Variants in PTPRK observed in about 807,000 individuals in gnomAD.
PTPRK encodes protein tyrosine phosphatase receptor type K, also known as receptor-type tyrosine-protein phosphatase kappa.
Under a neutral mutation model 178.0 loss-of-function variants are expected in PTPRK, and 75 were observed. The ratio of observed to expected loss-of-function variants is 0.42; its 90% CI spans 0.35 to 0.51. The LOEUF is 0.51. Ranked by LOEUF, PTPRK falls within the 20% of genes least tolerant of loss-of-function variation. The probability of loss-of-function intolerance (pLI) is 0.02; values close to 1 mark genes in which losing one functional copy is unlikely to be tolerated. For synonymous variants in PTPRK, 637 were observed against 620.6 expected (o/e 1.03, Z -0.39); for missense variants, 1,441 against 1,797.8 (o/e 0.80, Z 3.59).
intron 1 of PTPRK, among the ~76,000 whole-genome samples, chr6:128,468,300 T>G (rs964423510): frequency 1.3e-5 from 2 of 152,192 alleles, no homozygotes; most frequent in Non-Finnish European, 2.9e-5. Flanking sequence ...TTACTAAACA[T>G]GTATGCATAT....
Position 128,447,766 on chromosome 6 carries a change from C to T in PTPRK, c.101-50078G>A, listed in dbSNP as rs532203590. 5.3e-5 allele frequency among the ~76,000 whole-genome samples: 8 copies of T among 151,818 alleles called. No individual in the cohort carries two copies. In the South Asian group the frequency reaches 8.3e-4, roughly 16 times the overall value. Reference sequence around the variant, plus strand: ...CGCCTCCTGAGTAGCTGGGACTACACGCGTGTGCCACCAAGCCCAGCTAAT... The same window carrying T: ...CGCCTCCTGAGTAGCTGGGACTACATGCGTGTGCCACCAAGCCCAGCTAAT... On this transcript the variant is annotated intron_variant, in intron 1 of 29. Transcript: ENST00000368226.
intron 1 of PTPRK, among the ~76,000 whole-genome samples, chr6:128,494,167 T>A (rs1291995457): frequency 7.6e-6 from 1 of 132,296 alleles, no homozygotes; most frequent in South Asian, 2.4e-4. Context: ...GCCACCGCAC[T>A]CCAGCCTGGG....
chr6:128,064,072 T>C (rs963981649), intron 13 of PTPRK, among the ~76,000 whole-genome samples: 4 of 152,206 alleles, frequency 2.6e-5, no homozygotes, highest in African/African-American at 4.8e-5. Flanking sequence ...TATTCTTTGT[T>C]GGCACAATCA....
chr6:128,418,060 CTG>C (rs1246734178), intron 1 of PTPRK, among the ~76,000 whole-genome samples: 1 of 152,176 alleles, frequency 6.6e-6, no homozygotes, highest in Non-Finnish European at 1.5e-5. Flanking sequence ...CTATTAGACA[CTG>C]TATCTCGTCA....
chr6:128,495,525 CCTCTCT>C (rs994781604), intron 1 of PTPRK, among the ~76,000 whole-genome samples: 2 of 151,962 alleles, frequency 1.3e-5, no homozygotes, highest in Admixed American at 6.6e-5. Flanking sequence ...CTCATCCTTC[CCTCTCT>C]CTAAGTCCCC....
chr6:128,156,676 C>T (rs755791138), intron 7 of PTPRK, among the ~76,000 whole-genome samples: 18 of 151,838 alleles, frequency 1.2e-4, no homozygotes, highest in Non-Finnish European at 2.6e-4. Flanking sequence ...AGAGCCAAAC[C>T]ATATCATACT....
rs9885871 is a variant in PTPRK, at chr6:128,077,653, C to T, written c.1883+1160G>A. Among the ~76,000 whole-genome samples the T allele has an allele frequency of 9.3e-3, 1,415 of 152,030 alleles. 18 individuals carry two copies. Among genetic ancestry groups the T allele is most frequent in the African/African-American group, 0.032 (1,329 of 41,484 alleles). ...ATATAAACCAATTATGAAGTGCCTA[C>T]GTGGATTTCTGTGCCTTCATTTATT... On this transcript the variant is annotated intron_variant, in intron 11 of 29. Transcript: ENST00000368226.
chr6:128,465,909 C>T (rs979346467), intron 1 of PTPRK, among the ~76,000 whole-genome samples: 8 of 152,120 alleles, frequency 5.3e-5, no homozygotes, highest in Admixed American at 1.3e-4. Flanking sequence ...AGGGTCCAAG[C>T]CTCAAGCTCT....
At chr6:128,080,615 G>A (rs1402588955) in intron 10 of PTPRK, among the ~76,000 whole-genome samples, 1 of 152,040 alleles carries the variant, frequency 6.6e-6, no homozygotes, top group African/African-American at 2.4e-5. Flanking sequence ...GTGTGTATAT[G>A]TGTGTATGTG....
At chr6:128,494,523 C>T (rs757351829) in intron 1 of PTPRK, among the ~76,000 whole-genome samples, 4 of 151,872 alleles carry the variant, frequency 2.6e-5, no homozygotes, top group East Asian at 1.9e-4. Context: ...GAGTACTCAG[C>T]GGGAGCACTG....
intron 1 of PTPRK, among the ~76,000 whole-genome samples, chr6:128,435,703 A>G (rs1845503397): frequency 6.6e-6 from 1 of 152,202 alleles, no homozygotes; most frequent in African/African-American, 2.4e-5. Flanking sequence ...TAAGGGACGA[A>G]TCACAAAGAG....
chr6:128,230,539 T>C (rs1812124231), intron 5 of PTPRK, among the ~76,000 whole-genome samples: 1 of 152,158 alleles, frequency 6.6e-6, no homozygotes, highest in African/African-American at 2.4e-5. Context: ...CGATATTGAG[T>C]CACAATAGTT....
chr6:128,158,272 A>T (rs928974397), intron 7 of PTPRK, among the ~76,000 whole-genome samples: 1 of 151,710 alleles, frequency 6.6e-6, no homozygotes, highest in Admixed American at 6.6e-5. Flanking sequence ...GGGTGGGGGC[A>T]GGGGGGAGTG....
intron 6 of PTPRK, among the ~76,000 whole-genome samples, chr6:128,193,427 G>A (rs1209003330): frequency 1.3e-5 from 2 of 151,262 alleles, no homozygotes; most frequent in African/African-American, 4.9e-5. Context: ...AAACTAATTC[G>A]AATACACAAG....
chr6:128,075,596 A>C (rs1235549277), intron 11 of PTPRK, among the ~76,000 whole-genome samples: 1 of 151,946 alleles, frequency 6.6e-6, no homozygotes, highest in African/African-American at 2.4e-5. Context: ...GGAGTCTACC[A>C]CTCACACGGG....
At chr6:128,489,864 C>T (rs1853512802) in intron 1 of PTPRK, among the ~76,000 whole-genome samples, 1 of 152,216 alleles carries the variant, frequency 6.6e-6, no homozygotes, top group African/African-American at 2.4e-5. Flanking sequence ...ATAATCCATT[C>T]TGCATCTGCA....
intron 3 of PTPRK, among the ~76,000 whole-genome samples, chr6:128,265,079 A>G (rs1818741281): frequency 1.3e-5 from 2 of 152,178 alleles, no homozygotes; most frequent in Admixed American, 1.3e-4. Flanking sequence ...ACAGACTAAT[A>G]CAAGTGTGTA....
At chr6:128,358,980 T>C (rs1198460121) in intron 2 of PTPRK, among the ~76,000 whole-genome samples, 3 of 152,204 alleles carry the variant, frequency 2.0e-5, no homozygotes, top group Non-Finnish European at 4.4e-5. Flanking sequence ...ACTTATGTGA[T>C]ACTTATTGCT....
chr6:128,213,063 A>T (rs1405976244), intron 6 of PTPRK, among the ~76,000 whole-genome samples: 1 of 152,084 alleles, frequency 6.6e-6, no homozygotes, highest in Non-Finnish European at 1.5e-5. Context: ...TCTTAAATAA[A>T]CATAGATACT....
Sources: allele counts gnomAD v4.1 joint callset (sites outside exome capture counted in the v4.1 genomes callset), GRCh38; gene constraint gnomAD v4.1.1; transcripts MANE v1.5; gene names NCBI Gene and HGNC (gene_info 2026-07-23, HGNC 2026-07-21).